RP1: variants seen among roughly 807,000 people sequenced by gnomAD.
The protein encoded by RP1 is oxygen-regulated protein 1.
Under a neutral mutation model 14.8 loss-of-function variants are expected in RP1, and 16 were observed. The ratio of observed to expected loss-of-function variants is 1.08; its 90% CI spans 0.73 to 1.65. The LOEUF is 1.65. RP1 is among the 40% of genes most tolerant of loss of function. The pLI, the probability that RP1 is intolerant of heterozygous loss-of-function variation, is 0.00. For synonymous variants in RP1, 876 were observed against 883.6 expected (o/e 0.99, Z 0.15); for missense variants, 2,631 against 2,535.0 (o/e 1.04, Z -0.81).
At chr8:54,666,104 G>A (rs1807011949) in intron 7 of RP1, among the ~76,000 whole-genome samples, 2 of 152,062 alleles carry the variant, frequency 1.3e-5, no homozygotes, top group Non-Finnish European at 2.9e-5. Context: ...TGGGACATTC[G>A]ATGTATGGAC....
At chr8:54,817,112 T>A (rs902268502) in intron 24 of RP1, among the ~76,000 whole-genome samples, 1 of 152,140 alleles carries the variant, frequency 6.6e-6, no homozygotes, top group African/African-American at 2.4e-5. Context: ...TTCTCATTTG[T>A]GTTCATTGTC....
intron 24 of RP1, among the ~76,000 whole-genome samples, chr8:54,790,762 A>T (rs972828438): frequency 3.9e-5 from 6 of 152,210 alleles, no homozygotes. Context: ...AGAATCAGTG[A>T]ATTTGAAGAC....
intron 3 of RP1, among the ~76,000 whole-genome samples, chr8:54,645,459 C>T (rs1317349544): frequency 1.3e-5 from 2 of 152,134 alleles, no homozygotes; most frequent in Non-Finnish European, 2.9e-5. Context: ...TTACATTTCT[C>T]TAATGAGGAA....
In RP1 at chr8:54,670,490, AGTATGTATATATATACACATATATAT is replaced by A. The variant is rs1209937712; in HGVS notation, c.1324-3353_1324-3328del. ...CTACATATATAGGTTTACATATGTA[AGTATGTATATATATACACATATATAT>A]GTATGTGTATATATATACATATATA... On this transcript the variant is annotated intron_variant, in intron 7 of 22. Transcript: ENST00000636932. 7.2e-4 allele frequency among the ~76,000 whole-genome samples: 71 copies of A among 98,932 alleles called. 7 individuals are homozygous for A. Among genetic ancestry groups the A allele is most frequent in the African/African-American group, 1.9e-3 (56 of 30,244 alleles). The allele number at this position is 98,932 out of a possible 152,430, so 64.9% of individuals were successfully genotyped here. A position where few individuals can be genotyped will look rare whatever the true frequency, so the allele number is the denominator to read the frequency against.
At chr8:54,728,290 G>A (rs1016921344) in intron 17 of RP1, among the ~76,000 whole-genome samples, 2 of 152,136 alleles carry the variant, frequency 1.3e-5, no homozygotes, top group Non-Finnish European at 2.9e-5. Context: ...TCAAAGGACT[G>A]CAATAGTTAA....
intron 1 of RP1, among the ~76,000 whole-genome samples, chr8:54,600,413 T>G (rs1805248023): frequency 6.6e-6 from 1 of 152,176 alleles, no homozygotes; most frequent in African/African-American, 2.4e-5. Flanking sequence ...AGGCTTCCTT[T>G]GTGGTCTCAT....
Position 54,679,696 on chromosome 8 carries a change from A to C in RP1, c.1587+69A>C, listed in dbSNP as rs898559134. 112 of 1,526,644 alleles carry C rather than the reference A, an allele frequency of 7.3e-5. 1 individual carries two copies. The highest frequency in any genetic ancestry group is 8.4e-5 in the Non-Finnish European group (96 of 1,140,094). The allele number at this position is 1,526,644 out of a possible 1,614,324, so 94.6% of individuals were successfully genotyped here. A position where few individuals can be genotyped will look rare whatever the true frequency, so the allele number is the denominator to read the frequency against. On this transcript the variant is annotated intron_variant, in intron 11 of 22. Transcript: ENST00000636932. ...TTCAAATGACTATTTGATGTGTTAA[A>C]ACAAAACAGCCTATAGAGTTTAGTA...
At chr8:54,792,888 A>G (rs1322502705) in intron 24 of RP1, among the ~76,000 whole-genome samples, 2 of 151,882 alleles carry the variant, frequency 1.3e-5, no homozygotes, top group African/African-American at 4.8e-5. Context: ...AATAGAAAAG[A>G]TCAATAAAAC....
intron 1 of RP1, among the ~76,000 whole-genome samples, chr8:54,601,382 T>C (rs1347188915): frequency 1.7e-5 from 2 of 120,414 alleles, no homozygotes; most frequent in Admixed American, 1.2e-4. Context: ...TGGGAACACA[T>C]GGACACAGGA....
chr8:54,645,919 A>T (rs960880474), intron 3 of RP1, among the ~76,000 whole-genome samples: 1 of 152,042 alleles, frequency 6.6e-6, no homozygotes, highest in Non-Finnish European at 1.5e-5. Flanking sequence ...GTCTTTCCCC[A>T]ATCTGTTTGC....
Position 54,624,886 on chromosome 8 carries a change from T to C in RP1, c.1004T>C (p.Met335Thr), listed in dbSNP as rs762769576. 46 of 1,613,904 alleles carry C rather than the reference T, an allele frequency of 2.9e-5. No homozygotes were observed. The highest frequency in any genetic ancestry group is 3.9e-5 in the Non-Finnish European group (46 of 1,180,000). ...FNQDGTMTVE[M>T]KVRFRIKEEE... ...CAAGACGGCACTATGACAGTTGAGATGAAAGTTCGATTCAGAATAAAAGAG... is the reference window on the plus strand; with the variant it reads ...CAAGACGGCACTATGACAGTTGAGACGAAAGTTCGATTCAGAATAAAAGAG... Residue 335 changes from methionine to threonine, a missense_variant, in exon 4 of 4, where the codon ATG becomes ACG. Transcript: ENST00000220676.
At chr8:54,633,816 C>T, downstream of RP1, among the ~76,000 whole-genome samples, 1 of 149,992 alleles carries the variant, frequency 6.7e-6, no homozygotes, top group Non-Finnish European at 1.5e-5. Context: ...GTGAAGGTGA[C>T]AAACAGTTTG....
intron 18 of RP1, among the ~76,000 whole-genome samples, chr8:54,735,256 T>C (rs1352276254): frequency 6.6e-6 from 1 of 152,228 alleles, no homozygotes; most frequent in Non-Finnish European, 1.5e-5. Context: ...CCCATGCCCA[T>C]TTCTAATTTC....
chr8:54,627,304 G>A lies in RP1; in HGVS notation c.3422G>A (p.Ser1141Asn), dbSNP rs775482121. The change falls in exon 4 of 4, where the codon AGT becomes AAT. Residue 1141 changes from serine to asparagine, a missense_variant. Ser to Asn is a conservative substitution (Grantham distance 46). Transcript: ENST00000220676. ...CTCTTGGTGCTAAACCTAAAGGGAA[G>A]TATGAATAGCTTCTGTCAAGTTGAT... ...AWLLVLNLKG[S>N]MNSFCQVDAH... is the part of the protein sequence containing the mutation. 2 of 1,614,130 alleles carry A rather than the reference G, an allele frequency of 1.2e-6. No homozygotes were observed. The highest frequency in any genetic ancestry group is 1.7e-6 in the Non-Finnish European group (2 of 1,179,976).
intron 19 of RP1, among the ~76,000 whole-genome samples, chr8:54,750,844 A>G (rs559763367): frequency 6.6e-6 from 1 of 152,304 alleles, no homozygotes; most frequent in South Asian, 2.1e-4. Flanking sequence ...AATCAGCAGG[A>G]CTCTGAAAGC....
chr8:54,634,802 C>T (rs533897911), downstream of RP1, among the ~76,000 whole-genome samples: 27 of 152,280 alleles, frequency 1.8e-4, no homozygotes, highest in Admixed American at 7.2e-4. Context: ...ATACAATGGG[C>T]TGGGCGCAGT....
chr8:54,560,194 G>A (rs1804253951), intron 1 of RP1: 1 of 152,106 alleles, frequency 6.6e-6, no homozygotes, highest in Admixed American at 6.5e-5. Flanking sequence ...TGATGTGAGG[G>A]TTGGGACCTC....
intron 22 of RP1, among the ~76,000 whole-genome samples, chr8:54,765,420 A>G (rs1809737599): frequency 6.6e-6 from 1 of 152,240 alleles, no homozygotes; most frequent in Non-Finnish European, 1.5e-5. Context: ...GGAGAGGGTC[A>G]GGAAAAGAAG....
chr8:54,674,549 A>C (rs955577454), intron 8 of RP1, among the ~76,000 whole-genome samples: 12 of 151,710 alleles, frequency 7.9e-5, no homozygotes, highest in African/African-American at 2.7e-4. Flanking sequence ...CAAATGCATC[A>C]AACAAGGTGA....
Sources: allele counts gnomAD v4.1 joint callset (sites outside exome capture counted in the v4.1 genomes callset), GRCh38; gene constraint gnomAD v4.1.1; transcripts MANE v1.5; gene names NCBI Gene and HGNC (gene_info 2026-07-23, HGNC 2026-07-21).